Variants in CXCL5 observed in about 807,000 individuals in gnomAD.
The protein encoded by CXCL5 is C-X-C motif chemokine ligand 5.
Under a neutral mutation model 12.1 loss-of-function variants are expected in CXCL5, and 13 were observed. That is an observed-to-expected ratio of 1.08 (90% CI 0.70 to 1.71). The LOEUF (loss-of-function observed/expected upper bound fraction) is 1.71. Among genes scored for constraint, CXCL5 ranks in the 40% most tolerant of loss-of-function variants. The pLI, the probability that CXCL5 is intolerant of heterozygous loss-of-function variation, is 0.00. For missense variants in CXCL5, 159 were observed against 142.4 expected, an observed-to-expected ratio of 1.12 and a Z score of -0.59; for synonymous variants, 67 against 59.0, an observed-to-expected ratio of 1.14 and a Z score of -0.62.
chr4:73,997,478 T>C lies in CXCL5; in HGVS notation c.*159A>G, dbSNP rs1560549145. 1 of 646,370 alleles carries C rather than the reference T, an allele frequency of 1.5e-6. No individual in the cohort carries two copies. The highest frequency in any genetic ancestry group is 3.0e-5 in the Admixed American group (1 of 33,782). The allele number at this position is 646,370 out of a possible 1,614,324, so 40.0% of individuals were successfully genotyped here. ...CAAACATAGGTTTTCCTCACACTCT[T>C]CAAAGTGAGGAATCCAGGAAGAAAG... On this transcript the variant is annotated 3_prime_UTR_variant, in exon 4 of 4. Transcript: ENST00000296027.
Position 73,997,620 on chromosome 4 carries a change from GT to G in CXCL5, c.*16del, listed in dbSNP as rs1719224237. ...TGAAGACTGGGAAACTTTTCCATGC[GT>G]GCTCATTTCTCTTAATCAGTTTTCC... On this transcript the variant is annotated 3_prime_UTR_variant, in exon 4 of 4. Transcript: ENST00000296027. 1 of 1,605,474 alleles carries G rather than the reference GT, an allele frequency of 6.2e-7. No individual in the cohort carries two copies. Among genetic ancestry groups the G allele is most frequent in the African/African-American group, 1.3e-5 (1 of 74,352 alleles).
In CXCL5 at chr4:73,997,135, T is replaced by C. The variant is rs3775488; in HGVS notation, c.*502A>G. On this transcript the variant is annotated 3_prime_UTR_variant, in exon 4 of 4. Transcript: ENST00000296027. ...TCAAGAGTAAGGAAATTCTCTAACATATTCCCCAAGAAACATTAAAATATT... is the reference window on the plus strand; with the variant it reads ...TCAAGAGTAAGGAAATTCTCTAACACATTCCCCAAGAAACATTAAAATATT... The C allele has an allele frequency of 0.28, 43,106 of 152,364 alleles. 7,611 individuals are homozygous for C. The highest frequency in any genetic ancestry group is 0.44 in the Admixed American group (6,771 of 15,270). 9.4% of individuals were successfully genotyped at this position (152,364 alleles called of 1,614,324 possible).
rs1719196414 is a variant in CXCL5 at position 73,996,484 on chromosome 4, AT to A, written c.*1152del. On this transcript the variant is annotated 3_prime_UTR_variant, in exon 4 of 4. Transcript: ENST00000296027. ...GTGGCCACCTTATATATAATTATAT[AT>A]TCTACCATAAATGCTGGCCTTCTTC... 1 of 152,624 alleles carries A rather than the reference AT, an allele frequency of 6.6e-6. No individual in the cohort carries two copies. The highest frequency in any genetic ancestry group is 2.4e-5 in the African/African-American group (1 of 41,440). The allele number at this position is 152,624 out of a possible 1,614,324, so 9.5% of individuals were successfully genotyped here.
rs1465149856 is a variant in CXCL5, at chr4:73,995,859, T to C, written c.*1778A>G. 6.7e-6 allele frequency: 1 copy of C among 148,572 alleles called. No individual in the cohort carries two copies. The highest frequency in any genetic ancestry group is 1.9e-4 in the East Asian group (1 of 5,154). 9.2% of individuals were successfully genotyped at this position (148,572 alleles called of 1,614,324 possible). A position where few individuals can be genotyped will look rare whatever the true frequency, so the allele number is the denominator to read the frequency against. On this transcript the variant is annotated 3_prime_UTR_variant, in exon 4 of 4. Coordinates refer to ENST00000296027, the MANE Select transcript of CXCL5 (RefSeq NM_002994.5). ...ATATATATTATATATAAATATATAA[T>C]ATATAAATACATACGTTTTTACCAA...
At chr4:73,998,179 C>G in intron 2 of CXCL5, 27 bp downstream of exon 2, 1 of 1,614,100 alleles carries the variant, frequency 6.2e-7, no homozygotes, top group South Asian at 1.1e-5. Flanking sequence ...GCCAAGGTCA[C>G]AGCGGACACA....
Position 73,998,202 on chromosome 4 carries a change from T to A in CXCL5, c.242+4A>T. The A allele has an allele frequency of 6.2e-7, 1 of 1,614,162 alleles. No individual in the cohort carries two copies. The highest frequency in any genetic ancestry group is 2.2e-5 in the East Asian group (1 of 44,880). On this transcript the variant is annotated splice_donor_region_variant and intron_variant, in intron 2 of 3. Coordinates refer to ENST00000296027, the MANE Select transcript of CXCL5 (RefSeq NM_002994.5). ...CACAGCGGACACAGCAGCACAGAAC[T>A]TACACCACTTCCACCTTGGAGCACT...
In CXCL5 at chr4:73,998,075, T is replaced by G; in HGVS notation, c.263A>C (p.Lys88Thr). Reference sequence around the variant, plus strand: ...GGCTTCTGGATCAAGACAAATTTCCTTCCCGTTCTTCAGGGAGGCTCTGAA... The same window carrying G: ...GGCTTCTGGATCAAGACAAATTTCCGTCCCGTTCTTCAGGGAGGCTCTGAA... Reference protein sequence around the residue: ...VEVVASLKNGKEICLDPEAPF... With the variant: ...VEVVASLKNGTEICLDPEAPF... The change falls in exon 3 of 4, where the codon AAG (lysine) becomes ACG (threonine). Residue 88 changes from lysine (K) to threonine (T), a missense_variant. By Grantham distance (78) the Lys-to-Thr change is moderately conservative. Transcript: ENST00000296027. The G allele has an allele frequency of 6.2e-7, 1 of 1,614,032 alleles. No individual in the cohort carries two copies.
At position 73,997,998 on chromosome 4, in the gene CXCL5, A is replaced by G. The variant is rs1281342771; in HGVS notation, c.326+14T>C. On this transcript the variant is annotated intron_variant, in intron 3 of 3. Transcript: ENST00000296027. Reference sequence around the variant, plus strand: ...ATCAGATTTAGAAACCACAAAGATCAAAGTGACAAGTACCCGTCCAAAATT... The same window carrying G: ...ATCAGATTTAGAAACCACAAAGATCGAAGTGACAAGTACCCGTCCAAAATT... The G allele has an allele frequency of 6.2e-7, 1 of 1,608,392 alleles. No homozygotes were observed. Among genetic ancestry groups the G allele is most frequent in the African/African-American group, 1.3e-5 (1 of 74,766 alleles).
chr4:73,996,669 C>T lies in CXCL5; in HGVS notation c.*968G>A, dbSNP rs1189852851. 2 of 152,208 alleles carry T rather than the reference C, an allele frequency of 1.3e-5. No homozygotes were observed. The highest frequency in any genetic ancestry group is 2.4e-5 in the African/African-American group (1 of 41,300). The allele number at this position is 152,208 out of a possible 1,614,324, so 9.4% of individuals were successfully genotyped here. On this transcript the variant is annotated 3_prime_UTR_variant, in exon 4 of 4. Transcript: ENST00000296027. ...AGAAATGCTAGGGCCTCGAGGATGT[C>T]GCTATATATTTTTATAACTAAATGA...
chr4:73,996,299 C>G lies in CXCL5; in HGVS notation c.*1338G>C. 6.6e-6 allele frequency: 1 copy of G among 152,570 alleles called. No individual in the cohort carries two copies. Among genetic ancestry groups the G allele is most frequent in the Non-Finnish European group, 1.5e-5 (1 of 68,028 alleles). 9.5% of individuals were successfully genotyped at this position (152,570 alleles called of 1,614,324 possible). ...GACTAGAACAGGCTTTACATTCAGA[C>G]AGAAATGCTTCAAAATCCCAGTGAA... On this transcript the variant is annotated 3_prime_UTR_variant, in exon 4 of 4. Transcript: ENST00000296027.
rs1007833872 is a variant in CXCL5 at position 73,997,464 on chromosome 4, T to C, written c.*173A>G. Reference sequence around the variant, plus strand: ...GAAAGCTTAAGCGGCAAACATAGGTTTTCCTCACACTCTTCAAAGTGAGGA... The same window carrying C: ...GAAAGCTTAAGCGGCAAACATAGGTCTTCCTCACACTCTTCAAAGTGAGGA... On this transcript the variant is annotated 3_prime_UTR_variant, in exon 4 of 4. Coordinates refer to ENST00000296027, the MANE Select transcript of CXCL5 (RefSeq NM_002994.5). 21 of 600,392 alleles carry C rather than the reference T, an allele frequency of 3.5e-5. No individual in the cohort carries two copies. Among genetic ancestry groups the C allele is most frequent in the Non-Finnish European group, 4.4e-5 (15 of 341,400 alleles). 37.2% of individuals were successfully genotyped at this position (600,392 alleles called of 1,614,324 possible).
At position 73,996,840 on chromosome 4, in the gene CXCL5, A is replaced by G. The variant is rs1019640023; in HGVS notation, c.*797T>C. The G allele has an allele frequency of 6.6e-6, 1 of 152,322 alleles. No homozygotes were observed. Among genetic ancestry groups the G allele is most frequent in the Admixed American group, 6.5e-5 (1 of 15,276 alleles). The allele number at this position is 152,322 out of a possible 1,614,324, so 9.4% of individuals were successfully genotyped here. ...AATTTGCCTGTTTTCTAGCTTCTTCATCTATCTAAAATATATATTTAGCTA... is the reference window on the plus strand; with the variant it reads ...AATTTGCCTGTTTTCTAGCTTCTTCGTCTATCTAAAATATATATTTAGCTA... On this transcript the variant is annotated 3_prime_UTR_variant, in exon 4 of 4. Coordinates refer to ENST00000296027, the MANE Select transcript of CXCL5 (RefSeq NM_002994.5).
At position 73,998,636 on chromosome 4, in the gene CXCL5, C is replaced by A. The variant is rs1719257372; in HGVS notation, c.-55G>T. ...CGGGTTCCTGAACTGGGTGGAGGAG[C>A]GGAGATTGGAGGAGCGAAGATTGGA... On this transcript the variant is annotated 5_prime_UTR_variant, in exon 1 of 4. Coordinates refer to ENST00000296027, the MANE Select transcript of CXCL5 (RefSeq NM_002994.5). 1 of 1,474,452 alleles carries A rather than the reference C, an allele frequency of 6.8e-7. No individual in the cohort carries two copies. The highest frequency in any genetic ancestry group is 9.3e-7 in the Non-Finnish European group (1 of 1,077,040). The allele number at this position is 1,474,452 out of a possible 1,614,324, so 91.3% of individuals were successfully genotyped here. A position where few individuals can be genotyped will look rare whatever the true frequency, so the allele number is the denominator to read the frequency against.
At position 73,995,822 on chromosome 4, in the gene CXCL5, G is replaced by A. The variant is rs1281414521; in HGVS notation, c.*1815C>T. On this transcript the variant is annotated 3_prime_UTR_variant, in exon 4 of 4. Transcript: ENST00000296027. Reference sequence around the variant, plus strand: ...ATAGGCATCTAAAAAGCTCAGCAATGCTAAATATATAATATATATTATATA... The same window carrying A: ...ATAGGCATCTAAAAAGCTCAGCAATACTAAATATATAATATATATTATATA... 2 of 147,990 alleles carry A rather than the reference G, an allele frequency of 1.4e-5. No homozygotes were observed. Among genetic ancestry groups the A allele is most frequent in the African/African-American group, 4.9e-5 (2 of 40,722 alleles). 9.2% of individuals were successfully genotyped at this position (147,990 alleles called of 1,614,324 possible). A position where few individuals can be genotyped will look rare whatever the true frequency, so the allele number is the denominator to read the frequency against.
In CXCL5 at chr4:73,996,976, T is replaced by A. The variant is rs1719207343; in HGVS notation, c.*661A>T. ...CTAAAAAGATAAAGAATGTCTAAAA[T>A]TATAGGAAGATAAGATATTAGCCCT... On this transcript the variant is annotated 3_prime_UTR_variant, in exon 4 of 4. Coordinates refer to ENST00000296027, the MANE Select transcript of CXCL5 (RefSeq NM_002994.5). 6.6e-6 allele frequency: 1 copy of A among 152,126 alleles called. No homozygotes were observed. The highest frequency in any genetic ancestry group is 1.5e-5 in the Non-Finnish European group (1 of 68,002). 9.4% of individuals were successfully genotyped at this position (152,126 alleles called of 1,614,324 possible).
chr4:73,997,877 C>T, intron 3 of CXCL5, 135 bp downstream of exon 3: 1 of 948,930 alleles, frequency 1.1e-6, no homozygotes. Context: ...TCCAGAAAAA[C>T]TTTCCCAATT....
chr4:73,998,208 C>A lies in CXCL5; in HGVS notation c.240G>T (p.Val80=). Residue 80 remains valine, a splice_region_variant and synonymous_variant, in exon 2 of 4, where the codon GTG becomes GTT. Transcript: ENST00000296027. ...AIGPQCSKVE[V]VASLKNGKEI... The stretch of plus-strand genomic sequence containing the variant: ...GGACACAGCAGCACAGAACTTACAC[C>A]ACTTCCACCTTGGAGCACTGTGGGC... 1 of 1,614,204 alleles carries A rather than the reference C, an allele frequency of 6.2e-7. No homozygotes were observed. Among genetic ancestry groups the A allele is most frequent in the Non-Finnish European group, 8.5e-7 (1 of 1,180,030 alleles).
rs1719180765 is a variant in CXCL5, at chr4:73,995,875, T to A, written c.*1762A>T. On this transcript the variant is annotated 3_prime_UTR_variant, in exon 4 of 4. Coordinates refer to ENST00000296027, the MANE Select transcript of CXCL5 (RefSeq NM_002994.5). ...AATATATAATATATAAATACATACG[T>A]TTTTACCAAGAAATGTTTTATTTTT... is the stretch of plus-strand genomic sequence containing the variant. The A allele has an allele frequency of 6.7e-6, 1 of 148,950 alleles. No homozygotes were observed. Among genetic ancestry groups the A allele is most frequent in the South Asian group, 2.1e-4 (1 of 4,760 alleles). 9.2% of individuals were successfully genotyped at this position (148,950 alleles called of 1,614,324 possible). A position where few individuals can be genotyped will look rare whatever the true frequency, so the allele number is the denominator to read the frequency against.
intron 3 of CXCL5, 32 bp from the exon 4 acceptor site, chr4:73,997,687 AT>A: frequency 1.9e-6 from 3 of 1,555,780 alleles, no homozygotes; most frequent in Non-Finnish European, 1.8e-6. Flanking sequence ...TAGTTTAACC[AT>A]TTTTCACACT....
Sources: gnomAD v4.1 joint callset for allele counts on GRCh38, gnomAD v4.1.1 for gene constraint, MANE v1.5 for transcripts, NCBI Gene and HGNC (gene_info 2026-07-23, HGNC 2026-07-21) for gene names.